The following RBM47 variants were observed in gnomAD, a reference collection of about 807,000 sequenced individuals.
RBM47 encodes the protein RNA binding motif protein 47.
A neutral mutation model predicts 47.1 loss-of-function variants in RBM47; 21 were observed. That is an observed-to-expected ratio of 0.45 (90% confidence interval 0.32 to 0.64). RBM47 has a LOEUF of 0.64. RBM47 is among the 30% of genes least tolerant of loss of function. The pLI is 0.05. For missense variants in RBM47, 708 were observed against 870.9 expected, an observed-to-expected ratio of 0.81 and a Z score of 2.35; for synonymous variants, 375 against 361.7, an observed-to-expected ratio of 1.04 and a Z score of -0.42.
chr4:40,430,151 C>A (rs775902672), intron 6 of RBM47, among the ~76,000 whole-genome samples: 1 of 152,046 alleles, frequency 6.6e-6, no homozygotes, highest in African/African-American at 2.4e-5. Flanking sequence ...GCCGAGATCA[C>A]GCCACTACAC....
At chr4:40,505,610 G>A (rs1024223717) in intron 2 of RBM47, among the ~76,000 whole-genome samples, 1 of 151,740 alleles carries the variant, frequency 6.6e-6, no homozygotes, top group African/African-American at 2.4e-5. Flanking sequence ...TATTTTGGCT[G>A]GACGCGGTGG....
chr4:40,485,569 A>G (rs6834657), intron 2 of RBM47, among the ~76,000 whole-genome samples: 6,984 of 152,254 alleles, frequency 0.046, 395 homozygotes, highest in African/African-American at 0.13. Context: ...AGCTTATCAC[A>G]GTATGTTTTT....
chr4:40,512,139 TGCC>T (rs1725014216), intron 2 of RBM47, among the ~76,000 whole-genome samples: 1 of 151,906 alleles, frequency 6.6e-6, no homozygotes, highest in Non-Finnish European at 1.5e-5. Flanking sequence ...AGTGTGGTAT[TGCC>T]AGGCGCGGTG....
intron 2 of RBM47, among the ~76,000 whole-genome samples, chr4:40,523,404 A>G (rs1387740060): frequency 6.6e-6 from 1 of 152,024 alleles, no homozygotes; most frequent in Non-Finnish European, 1.5e-5. Context: ...TAATCCCAGC[A>G]CTTTGGGAGG....
At chr4:40,460,038 G>A (rs758991667) in intron 3 of RBM47, among the ~76,000 whole-genome samples, 4 of 152,110 alleles carry the variant, frequency 2.6e-5, no homozygotes, top group Non-Finnish European at 5.9e-5. Flanking sequence ...TTACAGGCCT[G>A]AGCCACCACG....
At chr4:40,536,336 T>C (rs1430945701) in intron 2 of RBM47, among the ~76,000 whole-genome samples, 1 of 152,224 alleles carries the variant, frequency 6.6e-6, no homozygotes, top group Non-Finnish European at 1.5e-5. Flanking sequence ...GTCTAATGAC[T>C]GGCTTGGAGA....
At chr4:40,587,446 AG>A (rs1226074160) in intron 1 of RBM47, among the ~76,000 whole-genome samples, 2 of 152,196 alleles carry the variant, frequency 1.3e-5, no homozygotes, top group African/African-American at 2.4e-5. Flanking sequence ...ATGAAGCGCT[AG>A]GAGCCAGGGG....
At chr4:40,433,184 C>A (rs1711621938) in intron 5 of RBM47, among the ~76,000 whole-genome samples, 1 of 152,136 alleles carries the variant, frequency 6.6e-6, no homozygotes, top group Non-Finnish European at 1.5e-5. Context: ...TGGTCTTGAA[C>A]TCCTGAGCTC....
intron 1 of RBM47, among the ~76,000 whole-genome samples, chr4:40,607,589 T>G (rs1405083542): frequency 6.6e-6 from 1 of 152,064 alleles, no homozygotes; most frequent in Non-Finnish European, 1.5e-5. Flanking sequence ...CGCCTCTAAT[T>G]CTAGCTATTC....
At chr4:40,510,194 A>G (rs1211501528) in intron 2 of RBM47, among the ~76,000 whole-genome samples, 2 of 151,166 alleles carry the variant, frequency 1.3e-5, no homozygotes, top group East Asian at 1.9e-4. Flanking sequence ...TCTCAAAAAA[A>G]AAAAAAAAAA....
rs566656996 is a variant in RBM47 at position 40,502,666 on chromosome 4, G to A, written c.-154-35967C>T. Among the ~76,000 whole-genome samples, 17 of 152,140 alleles carry A rather than the reference G, an allele frequency of 1.1e-4. No homozygotes were observed. The South Asian group carries it at 3.3e-3, about 30-fold the overall frequency. Reference sequence around the variant, plus strand: ...TCAAGACCAGCCTGGGCAACATGGGGAAACGCCATCTTTACAAAAAAATTT... The same window carrying A: ...TCAAGACCAGCCTGGGCAACATGGGAAAACGCCATCTTTACAAAAAAATTT... On this transcript the variant is annotated intron_variant, in intron 2 of 6. Coordinates refer to ENST00000295971, the MANE Select transcript of RBM47 (RefSeq NM_001098634.2).
intron 2 of RBM47, among the ~76,000 whole-genome samples, chr4:40,532,063 T>G (rs1199226395): frequency 6.7e-6 from 1 of 148,954 alleles, no homozygotes; most frequent in African/African-American, 2.5e-5. Flanking sequence ...CAGGCTGGAG[T>G]GCAGTGGCGC....
chr4:40,432,687 A>AGCGGCTGCGGCGGCTGCGGCC lies in RBM47; in HGVS notation c.1485_1505dup (p.Ala496_Ala502dup), dbSNP rs564837143. ...GTGGCGTCGACACAGTGGGAATGACAGCGGCTGCGGCGGCTGCGGCCGCGG... is the reference window on the plus strand; with the variant it reads ...GTGGCGTCGACACAGTGGGAATGACAGCGGCTGCGGCGGCTGCGGCCGCGGCTGCGGCGGCTGCGGCCGCGG... On this transcript the variant is annotated inframe_insertion, in exon 6 of 7. Coordinates refer to ENST00000295971, the MANE Select transcript of RBM47 (RefSeq NM_001098634.2). 4.2e-5 allele frequency: 68 copies of AGCGGCTGCGGCGGCTGCGGCC among 1,609,990 alleles called. No homozygotes were observed. The highest frequency in any genetic ancestry group is 5.7e-5 in the Non-Finnish European group (67 of 1,179,114).
chr4:40,456,766 T>G (rs986806503), intron 3 of RBM47, among the ~76,000 whole-genome samples: 11 of 151,654 alleles, frequency 7.3e-5, no homozygotes, highest in African/African-American at 2.7e-4. Flanking sequence ...CCTGGCTAAT[T>G]TTTTATTTTT....
intron 1 of RBM47, among the ~76,000 whole-genome samples, chr4:40,609,516 T>C (rs999305994): frequency 4.0e-5 from 6 of 149,382 alleles, no homozygotes; most frequent in African/African-American, 1.5e-4. Context: ...TTTCACCATG[T>C]TGGCCAGGCT....
chr4:40,542,529 A>G (rs911295143), intron 2 of RBM47: 2 of 152,130 alleles, frequency 1.3e-5, no homozygotes, highest in African/African-American at 4.8e-5. Context: ...TTTTCGAGAT[A>G]GGGTCTTGCT....
intron 3 of RBM47, 141 bp downstream of exon 3, chr4:40,466,436 C>T (rs1046959202): frequency 6.6e-6 from 1 of 152,224 alleles, no homozygotes; most frequent in African/African-American, 2.4e-5. Context: ...TGACTTATCA[C>T]GTTCTATATT....
At chr4:40,589,834 C>T (rs376721894) in intron 1 of RBM47, among the ~76,000 whole-genome samples, 10 of 152,288 alleles carry the variant, frequency 6.6e-5, no homozygotes, top group African/African-American at 1.9e-4. Flanking sequence ...ATGAGGAGCA[C>T]ATAAGACACT....
intron 1 of RBM47, among the ~76,000 whole-genome samples, chr4:40,619,656 G>A (rs965220883): frequency 7.9e-5 from 12 of 152,068 alleles, no homozygotes; most frequent in African/African-American, 2.9e-4. Context: ...TCCATCTAGC[G>A]AAGATGGACA....
Sources: gnomAD v4.1 joint callset for allele counts (sites outside exome capture counted in the v4.1 genomes callset) on GRCh38, gnomAD v4.1.1 for gene constraint, MANE v1.5 for transcripts, NCBI Gene and HGNC (gene_info 2026-07-23, HGNC 2026-07-21) for gene names.